SYNPO2: variants seen among roughly 807,000 people sequenced by gnomAD.
SYNPO2 encodes synaptopodin-2.
A neutral mutation model predicts 85.0 loss-of-function variants in SYNPO2; 56 were observed. That is an observed-to-expected ratio of 0.66 (90% CI 0.53 to 0.82). The LOEUF is 0.82. Among genes scored for constraint, SYNPO2 ranks in the 40% least tolerant of loss-of-function variants. The pLI is 0.00. For synonymous variants in SYNPO2, 602 were observed against 591.1 expected, an observed-to-expected ratio of 1.02 and a Z score of -0.27; for missense variants, 1,575 against 1,534.2, an observed-to-expected ratio of 1.03 and a Z score of -0.44.
chr4:119,031,575 C>T lies in SYNPO2; in HGVS notation c.2800C>T (p.Pro934Ser), dbSNP rs1178214042. The change falls in exon 4 of 5, where the codon CCA (proline) becomes TCA (serine). Residue 934 changes from proline (P) to serine (S), a missense_variant. Around this residue, in one of 3 missense-constraint regions of SYNPO2, gnomAD observed 1,508 missense variants for 1,446.8 expected, o/e 1.04. Coordinates refer to ENST00000307142, the MANE Select transcript of SYNPO2 (RefSeq NM_133477.3). ...AYNPIHSPSY[P>S]LAALKSQPSA... ...TAATCCTATCCACTCGCCGTCTTACCCACTGGCTGCTCTCAAGTCTCAGCC... is the reference window on the plus strand; with the variant it reads ...TAATCCTATCCACTCGCCGTCTTACTCACTGGCTGCTCTCAAGTCTCAGCC... 4 of 1,614,180 alleles carry T rather than the reference C, an allele frequency of 2.5e-6. No individual in the cohort carries two copies. The highest frequency in any genetic ancestry group is 3.4e-6 in the Non-Finnish European group (4 of 1,180,044).
intron 1 of SYNPO2, among the ~76,000 whole-genome samples, chr4:119,005,765 T>C (rs1310109946): frequency 3.3e-5 from 5 of 152,202 alleles, no homozygotes; most frequent in African/African-American, 1.2e-4. Context: ...CCTTTTCTTA[T>C]AACTGAGAAA....
chr4:118,866,232 G>A (rs143342821), intron 1 of SYNPO2, among the ~76,000 whole-genome samples: 217 of 152,254 alleles, frequency 1.4e-3, no homozygotes, highest in African/African-American at 5.1e-3. Flanking sequence ...TGCATTGTAG[G>A]ATGTTTAGCT....
intron 1 of SYNPO2, among the ~76,000 whole-genome samples, chr4:118,981,553 C>T (rs533360193): frequency 3.9e-5 from 6 of 152,144 alleles, no homozygotes; most frequent in East Asian, 3.8e-4. Flanking sequence ...TCCCTGAATG[C>T]GTTGTCTCCA....
intron 2 of SYNPO2, among the ~76,000 whole-genome samples, chr4:119,024,702 G>T (rs932235648): frequency 6.6e-6 from 1 of 151,914 alleles, no homozygotes; most frequent in African/African-American, 2.4e-5. Context: ...AAATTACAAA[G>T]TAAGTAACTA....
intron 1 of SYNPO2, among the ~76,000 whole-genome samples, chr4:118,859,101 A>T (rs2110564150): frequency 6.6e-6 from 1 of 152,340 alleles, no homozygotes; most frequent in Non-Finnish European, 1.5e-5. Flanking sequence ...CTAGGCTTTT[A>T]TCGACACCAA....
At chr4:119,005,970 G>C (rs1236027399) in intron 1 of SYNPO2, 2 of 152,276 alleles carry the variant, frequency 1.3e-5, no homozygotes, top group Non-Finnish European at 2.9e-5. Flanking sequence ...TTGAACCACT[G>C]TGTGTCCATG....
At chr4:119,056,960 A>G (rs1005650085) in intron 4 of SYNPO2, among the ~76,000 whole-genome samples, 3 of 152,212 alleles carry the variant, frequency 2.0e-5, no homozygotes, top group Admixed American at 2.0e-4. Flanking sequence ...GAGGTTATCA[A>G]TAGGTTTTGT....
intron 1 of SYNPO2, among the ~76,000 whole-genome samples, chr4:118,992,039 A>C (rs140681901): frequency 6.6e-6 from 1 of 152,156 alleles, no homozygotes; most frequent in East Asian, 1.9e-4. Flanking sequence ...GAATAGGGAG[A>C]ACTTCATTGT....
At chr4:119,056,881 C>A (rs1739223975) in intron 4 of SYNPO2, among the ~76,000 whole-genome samples, 2 of 152,126 alleles carry the variant, frequency 1.3e-5, no homozygotes, top group South Asian at 4.1e-4. Flanking sequence ...TTCACTAGAC[C>A]AACATTAGAT....
chr4:118,916,422 C>G (rs564628919), intron 1 of SYNPO2, among the ~76,000 whole-genome samples: 5 of 152,132 alleles, frequency 3.3e-5, no homozygotes, highest in Admixed American at 2.6e-4. Flanking sequence ...ATCCACCCCC[C>G]TCAGCCTCCC....
intron 1 of SYNPO2, among the ~76,000 whole-genome samples, chr4:118,858,918 C>T (rs962876998): frequency 5.3e-5 from 8 of 152,152 alleles, no homozygotes; most frequent in African/African-American, 1.9e-4. Context: ...GTTTTATATC[C>T]ATCCTGCCCC....
At chr4:119,051,193 T>TTTTG (rs1739028675) in intron 4 of SYNPO2, among the ~76,000 whole-genome samples, 1 of 136,106 alleles carries the variant, frequency 7.3e-6, no homozygotes, top group Non-Finnish European at 1.6e-5. Context: ...GCAATTTTTT[T>TTTTG]TTTTTTTTTT....
intron 1 of SYNPO2, among the ~76,000 whole-genome samples, chr4:118,942,665 G>A (rs1734355186): frequency 6.6e-6 from 1 of 152,044 alleles, no homozygotes. Context: ...TCTTTACTGG[G>A]GATAATGTTG....
chr4:119,019,247 G>A (rs952177504), intron 1 of SYNPO2, among the ~76,000 whole-genome samples: 6 of 152,132 alleles, frequency 3.9e-5, no homozygotes, highest in African/African-American at 1.4e-4. Context: ...AAGGTGGTAA[G>A]CAATGAAACA....
chr4:119,015,552 G>C (rs1481043731), intron 1 of SYNPO2, among the ~76,000 whole-genome samples: 1 of 152,002 alleles, frequency 6.6e-6, no homozygotes, highest in Non-Finnish European at 1.5e-5. Flanking sequence ...AAGGTATCTG[G>C]GACCTTACAT....
At chr4:118,858,485 T>G (rs1376938946) in intron 1 of SYNPO2, among the ~76,000 whole-genome samples, 3 of 152,186 alleles carry the variant, frequency 2.0e-5, no homozygotes, top group African/African-American at 4.8e-5. Context: ...TTTCTAGCCT[T>G]CCCGTGTCTA....
chr4:118,943,037 G>A (rs1202222273), intron 1 of SYNPO2, among the ~76,000 whole-genome samples: 2 of 151,856 alleles, frequency 1.3e-5, no homozygotes, highest in Non-Finnish European at 2.9e-5. Context: ...AACCTGGGAG[G>A]CAGAGGTTGC....
intron 1 of SYNPO2, among the ~76,000 whole-genome samples, chr4:118,923,488 C>T (rs1397398691): frequency 6.6e-6 from 1 of 152,056 alleles, no homozygotes; most frequent in African/African-American, 2.4e-5. Flanking sequence ...CACCAAACCT[C>T]CATGACATGC....
At chr4:118,901,531 T>C (rs1732756169) in intron 1 of SYNPO2, among the ~76,000 whole-genome samples, 1 of 152,128 alleles carries the variant, frequency 6.6e-6, no homozygotes, top group South Asian at 2.1e-4. Context: ...AGGCGAAGAG[T>C]CAGCTCTGCT....
Sources: allele counts gnomAD v4.1 joint callset (sites outside exome capture counted in the v4.1 genomes callset), GRCh38; gene constraint gnomAD v4.1.1; regional missense constraint gnomAD v4.1.1; transcripts MANE v1.5; gene names NCBI Gene and HGNC (gene_info 2026-07-23, HGNC 2026-07-21).